Variants in ENTREP2 observed in about 807,000 individuals in gnomAD.
ENTREP2 encodes protein ENTREP2.
chr15:29,229,075 T>C, the ENTREP2 span, among the ~76,000 whole-genome samples: 2 of 152,168 alleles, frequency 1.3e-5, no homozygotes, highest in Non-Finnish European at 2.9e-5. Context: ...TAAAATCACC[T>C]GGGCACCTGG....
chr15:29,383,635 C>G, the ENTREP2 span, among the ~76,000 whole-genome samples: 1 of 152,166 alleles, frequency 6.6e-6, no homozygotes, highest in Non-Finnish European at 1.5e-5. Flanking sequence ...ATGATGCTGA[C>G]AAACTCACAA....
the ENTREP2 span, among the ~76,000 whole-genome samples, chr15:29,474,622 T>C: frequency 3.3e-4 from 50 of 152,050 alleles, no homozygotes; most frequent in Non-Finnish European, 5.4e-4. Flanking sequence ...TGGTACAATC[T>C]TGGCTCATGG....
chr15:29,249,492 G>A, the ENTREP2 span, among the ~76,000 whole-genome samples: 11 of 152,284 alleles, frequency 7.2e-5, no homozygotes, highest in Admixed American at 5.9e-4. Context: ...AATCAACTGG[G>A]TGGTAGGACT....
the ENTREP2 span, among the ~76,000 whole-genome samples, chr15:29,371,455 T>C: frequency 6.6e-6 from 1 of 151,582 alleles, no homozygotes; most frequent in Non-Finnish European, 1.5e-5. Context: ...TAAATATAAA[T>C]AGGACAATGA....
At chr15:29,610,006 A>T in the ENTREP2 span, 5 of 150,506 alleles carry the variant, frequency 3.3e-5, no homozygotes, top group African/African-American at 1.2e-4. Context: ...GAGGAAACAA[A>T]AAAAGACACT....
chr15:29,466,874 C>T, the ENTREP2 span, among the ~76,000 whole-genome samples: 1 of 136,872 alleles, frequency 7.3e-6, no homozygotes, highest in Non-Finnish European at 1.6e-5. Context: ...ATGCTGCAGC[C>T]CCCAGGGAAG....
the ENTREP2 span, among the ~76,000 whole-genome samples, chr15:29,489,460 G>A: frequency 6.6e-6 from 1 of 151,634 alleles, no homozygotes; most frequent in Non-Finnish European, 1.5e-5. Context: ...GTCAGCAACA[G>A]GATAAAATTC....
the ENTREP2 span, among the ~76,000 whole-genome samples, chr15:29,253,705 T>C: frequency 6.6e-6 from 1 of 152,124 alleles, no homozygotes; most frequent in Non-Finnish European, 1.5e-5. Context: ...CCTCCCAAAG[T>C]GCTGGGATTA....
chr15:29,167,452 C>T, the ENTREP2 span, among the ~76,000 whole-genome samples: 9 of 152,018 alleles, frequency 5.9e-5, no homozygotes, highest in Admixed American at 5.9e-4. Context: ...GAATCTACAA[C>T]AAACTGAAAC....
chr15:29,269,759 G>T, the ENTREP2 span: 30 of 1,407,688 alleles, frequency 2.1e-5, no homozygotes, highest in Non-Finnish European at 2.7e-5. Flanking sequence ...GCCGCGGCGG[G>T]GATTGCGGGT....
chr15:29,135,403 C>T, the ENTREP2 span, among the ~76,000 whole-genome samples: 5 of 152,190 alleles, frequency 3.3e-5, 1 homozygote, highest in Admixed American at 3.3e-4. This position sits in a 1 kb window ranked among gnomAD's most constrained non-coding sequence, Gnocchi z 7.4. Context: ...TTTACATAAC[C>T]CCATGTTCCT....
the ENTREP2 span, among the ~76,000 whole-genome samples, chr15:29,656,386 C>T: frequency 1.2e-4 from 19 of 152,024 alleles, no homozygotes; most frequent in Non-Finnish European, 2.2e-4. Flanking sequence ...TCACCACAGC[C>T]GGGTAGTTTT....
At chr15:29,605,114 C>T in the ENTREP2 span, among the ~76,000 whole-genome samples, 3 of 152,186 alleles carry the variant, frequency 2.0e-5, no homozygotes, top group Non-Finnish European at 4.4e-5. Flanking sequence ...TGTTTCCTGG[C>T]CCACCCATCC....
At chr15:29,422,683 A>G in the ENTREP2 span, among the ~76,000 whole-genome samples, 9 of 152,170 alleles carry the variant, frequency 5.9e-5, no homozygotes, top group Non-Finnish European at 1.3e-4. Context: ...TCATCAGTAA[A>G]TTTATCTGGA....
At chr15:29,612,498 GA>G in the ENTREP2 span, 21,391 of 135,676 alleles carry the variant, frequency 0.16, 2,740 homozygotes, top group African/African-American at 0.37. Context: ...TACCAGCAGA[GA>G]AAAAAAAAAA....
At chr15:29,589,851 G>T in the ENTREP2 span, among the ~76,000 whole-genome samples, 1 of 152,256 alleles carries the variant, frequency 6.6e-6, no homozygotes, top group African/African-American at 2.4e-5. Flanking sequence ...CAATATTCCT[G>T]CATCCGTTTC....
At chr15:29,545,874 T>G in the ENTREP2 span, among the ~76,000 whole-genome samples, 1 of 152,252 alleles carries the variant, frequency 6.6e-6, no homozygotes, top group Admixed American at 6.5e-5. Flanking sequence ...AAGCAATGTT[T>G]AATGTTTAAG....
the ENTREP2 span, among the ~76,000 whole-genome samples, chr15:29,643,166 A>C: frequency 7.9e-5 from 12 of 152,298 alleles, no homozygotes; most frequent in African/African-American, 2.4e-4. Flanking sequence ...AAGTAGATAA[A>C]TTGGACTTCA....
chr15:29,269,673 A>C, the ENTREP2 span: 1 of 1,557,832 alleles, frequency 6.4e-7, no homozygotes, highest in Admixed American at 1.9e-5. Context: ...CCTGGCCGCC[A>C]GAGCGGCCCC....
Sources: gnomAD v4.1 joint callset for allele counts (sites outside exome capture counted in the v4.1 genomes callset) on GRCh38, gnomAD v4.1.1 for gene constraint, Gnocchi (gnomAD v3.1) non-coding constraint, MANE v1.5 for transcripts, NCBI Gene and HGNC (gene_info 2026-07-23, HGNC 2026-07-21) for gene names.